The following SPAG9 variants were observed in gnomAD, a reference collection of about 807,000 sequenced individuals.
SPAG9 encodes C-Jun-amino-terminal kinase-interacting protein 4.
SPAG9 carries 35 observed loss-of-function variants against 166.5 expected under a neutral mutation model. The observed-to-expected ratio is 0.21, with a 90% CI of 0.16 to 0.28. The LOEUF (loss-of-function observed/expected upper bound fraction) is 0.28. Ranked by LOEUF, SPAG9 falls within the 10% of genes least tolerant of loss-of-function variation. The pLI is 1.00. For missense variants in SPAG9, 1,235 were observed against 1,603.3 expected (o/e 0.77, Z 3.92); for synonymous variants, 534 against 565.5 (o/e 0.94, Z 0.79).
chr17:51,071,518 T>TA lies in SPAG9; in HGVS notation c.424+8065dup, dbSNP rs556362342. Among the ~76,000 whole-genome samples, 695 of 152,134 alleles carry TA rather than the reference T, an allele frequency of 4.6e-3. 3 individuals are homozygous for TA. The highest frequency in any genetic ancestry group is 9.7e-3 in the Admixed American group (148 of 15,268). ...AATCCTTTATTCATGTTGGAAAAAG[T>TA]AAAAAAAATTTCTTATATTCATTTA... On this transcript the variant is annotated intron_variant, in intron 2 of 29. Transcript: ENST00000262013.
chr17:50,994,534 T>C (rs1372693221), intron 18 of SPAG9, among the ~76,000 whole-genome samples: 1 of 152,146 alleles, frequency 6.6e-6, no homozygotes, highest in African/African-American at 2.4e-5. Flanking sequence ...GAGGACTGCT[T>C]GAGGCCAGAA....
At chr17:51,082,426 C>G (rs1427986053) in intron 1 of SPAG9, among the ~76,000 whole-genome samples, 1 of 145,696 alleles carries the variant, frequency 6.9e-6, no homozygotes, top group Non-Finnish European at 1.5e-5. Context: ...TACTCCCTAT[C>G]TCTCCTCCCT....
At chr17:51,046,860 C>T in intron 4 of SPAG9, 1 of 1,529,578 alleles carries the variant, frequency 6.5e-7, no homozygotes, top group Non-Finnish European at 8.7e-7. Flanking sequence ...CATAGAGCTG[C>T]TGCTCCTAGC....
intron 14 of SPAG9, 197 bp downstream of exon 14, chr17:50,999,464 G>A: frequency 6.7e-7 from 1 of 1,493,552 alleles, no homozygotes; most frequent in Non-Finnish European, 8.8e-7. Flanking sequence ...TTGTCCTTGA[G>A]AAGAGCCTTA....
At chr17:51,103,345 G>A (rs2048856904) in intron 1 of SPAG9, among the ~76,000 whole-genome samples, 1 of 152,194 alleles carries the variant, frequency 6.6e-6, no homozygotes, top group South Asian at 2.1e-4. Flanking sequence ...CAAGAGGACT[G>A]TAAGCTGTGG....
At chr17:51,093,381 T>C (rs1288787028) in intron 1 of SPAG9, among the ~76,000 whole-genome samples, 1 of 151,864 alleles carries the variant, frequency 6.6e-6, no homozygotes, top group Non-Finnish European at 1.5e-5. Context: ...AACTTAAATG[T>C]CTATCAACAG....
Position 50,984,946 on chromosome 17 carries a change from A to G in SPAG9, c.3065T>C (p.Leu1022Pro). 2 of 1,614,178 alleles carry G rather than the reference A, an allele frequency of 1.2e-6. No homozygotes were observed. The highest frequency in any genetic ancestry group is 1.7e-6 in the Non-Finnish European group (2 of 1,180,008). ...IVLVALADGT[L>P]AIFHRGVDGQ... is the part of the protein sequence containing the mutation. ...ACCCACTCCTCTGTGAAAGATTGCA[A>G]GGGTGCCGTCAGCCAGGGCTACTAA... The change falls in exon 24 of 30, where the codon CTT becomes CCT. Residue 1022 changes from leucine to proline, a missense_variant. Coordinates refer to ENST00000262013, the MANE Select transcript of SPAG9 (RefSeq NM_001130528.3).
intron 21 of SPAG9, among the ~76,000 whole-genome samples, chr17:50,988,540 CA>C (rs780872549): frequency 6.6e-6 from 1 of 151,924 alleles, no homozygotes; most frequent in African/African-American, 2.4e-5. Context: ...GAGCCTAAAA[CA>C]AACAGTTTTC....
Position 50,967,753 on chromosome 17 carries a change from A to G in SPAG9, c.3851-1366T>C, listed in dbSNP as rs1336961834. Among the ~76,000 whole-genome samples the G allele has an allele frequency of 2.0e-5, 3 of 152,196 alleles. No homozygotes were observed. In the South Asian group the frequency reaches 6.2e-4, roughly 31 times the overall value. The stretch of plus-strand genomic sequence containing the variant: ...TTAAAAATATGGGACTTTAGAATCA[A>G]TTTCTCACTGTTAAAATATTACAGG... On this transcript the variant is annotated intron_variant, in intron 29 of 29. Transcript: ENST00000262013.
intron 1 of SPAG9, among the ~76,000 whole-genome samples, chr17:51,083,355 T>A (rs889081728): frequency 6.6e-6 from 1 of 150,694 alleles, no homozygotes; most frequent in Non-Finnish European, 1.5e-5. Flanking sequence ...CTGCCTCAGC[T>A]TCCCGCACAG....
chr17:50,996,777 A>C lies in SPAG9; in HGVS notation c.1839-83T>G, dbSNP rs900951770. The stretch of plus-strand genomic sequence containing the variant: ...AGTTTTATCTCTCCTCTGTCACTAA[A>C]ACAGCAAAAACAACAAAAATTTACA... On this transcript the variant is annotated intron_variant, in intron 15 of 29. Transcript: ENST00000262013. 1.2e-5 allele frequency: 16 copies of C among 1,339,218 alleles called. No individual in the cohort carries two copies. In the African/African-American group the frequency reaches 1.8e-4, roughly 15 times the overall value. 83.0% of individuals were successfully genotyped at this position (1,339,218 alleles called of 1,614,324 possible).
chr17:50,980,605 C>A (rs1189561270), intron 25 of SPAG9, among the ~76,000 whole-genome samples: 1 of 151,848 alleles, frequency 6.6e-6, no homozygotes, highest in African/African-American at 2.4e-5. Flanking sequence ...TGGTGGCTCA[C>A]ACCTGTAATC....
At chr17:51,096,363 AAAAG>A (rs890904605) in intron 1 of SPAG9, among the ~76,000 whole-genome samples, 4 of 152,016 alleles carry the variant, frequency 2.6e-5, no homozygotes, top group African/African-American at 4.8e-5. Flanking sequence ...AAAAACAAAA[AAAAG>A]AAAGAAAGAA....
intron 1 of SPAG9, among the ~76,000 whole-genome samples, chr17:51,106,229 G>A (rs953771814): frequency 6.6e-6 from 1 of 151,548 alleles, no homozygotes; most frequent in Non-Finnish European, 1.5e-5. Flanking sequence ...CTTGAACCCA[G>A]GAATTCGAGG....
chr17:51,056,596 G>A (rs551854534), intron 2 of SPAG9, 114 bp from the exon 3 acceptor site: 5 of 662,864 alleles, frequency 7.5e-6, no homozygotes, highest in Non-Finnish European at 1.3e-5. Flanking sequence ...CAGACTCAGT[G>A]TTCCATATGC....
intron 3 of SPAG9, among the ~76,000 whole-genome samples, chr17:51,049,727 G>A (rs1000425886): frequency 6.6e-6 from 1 of 152,064 alleles, no homozygotes. Context: ...CTCCCAAGTA[G>A]CTGGGTACTA....
intron 1 of SPAG9, among the ~76,000 whole-genome samples, chr17:51,100,893 C>T (rs2048789509): frequency 1.3e-5 from 2 of 151,630 alleles, no homozygotes; most frequent in African/African-American, 2.4e-5. Context: ...GTACTCCAGC[C>T]TGGGCAATAA....
At chr17:51,077,653 A>AT (rs1459241606) in intron 2 of SPAG9, among the ~76,000 whole-genome samples, 2 of 151,332 alleles carry the variant, frequency 1.3e-5, no homozygotes, top group African/African-American at 2.4e-5. Flanking sequence ...GAGATTTCAA[A>AT]TTTTTTTATT....
chr17:51,110,561 C>T lies in SPAG9; in HGVS notation c.303+9793G>A, dbSNP rs547853643. Among the ~76,000 whole-genome samples, 3 of 152,130 alleles carry T rather than the reference C, an allele frequency of 2.0e-5. No individual in the cohort carries two copies. In the South Asian group the frequency reaches 6.2e-4, roughly 32 times the overall value. ...AAAATTAGCTGGGCGTGGTGGTGTA[C>T]ACCTGTAGTCCCATCTACTTGGGAG... On this transcript the variant is annotated intron_variant, in intron 1 of 29. Coordinates refer to ENST00000262013, the MANE Select transcript of SPAG9 (RefSeq NM_001130528.3).
Sources: gnomAD v4.1 joint callset for allele counts (sites outside exome capture counted in the v4.1 genomes callset) on GRCh38, gnomAD v4.1.1 for gene constraint, MANE v1.5 for transcripts, NCBI Gene and HGNC (gene_info 2026-07-23, HGNC 2026-07-21) for gene names.